The following NAV2 variants were observed in gnomAD, a reference collection of about 807,000 sequenced individuals.
NAV2 encodes helicase, APC down-regulated 1.
Under a neutral mutation model 223.2 loss-of-function variants are expected in NAV2, and 54 were observed. That is an observed-to-expected ratio of 0.24 (90% CI 0.19 to 0.30). The LOEUF (loss-of-function observed/expected upper bound fraction) is 0.30, where lower values mean the gene tolerates loss of function less well. NAV2 is among the 10% of genes least tolerant of loss of function. The pLI is 1.00. For synonymous variants in NAV2, 1,279 were observed against 1,239.3 expected (o/e 1.03, Z -0.67); for missense variants, 2,806 against 3,147.5 (o/e 0.89, Z 2.60).
chr11:19,679,835 T>C (rs1362907204), intron 1 of NAV2, among the ~76,000 whole-genome samples: 1 of 152,220 alleles, frequency 6.6e-6, no homozygotes, highest in African/African-American at 2.4e-5. Context: ...GGATTTCCAG[T>C]ATCTAACATA....
intron 22 of NAV2, among the ~76,000 whole-genome samples, chr11:20,077,233 G>A (rs1041240690): frequency 1.3e-5 from 2 of 152,012 alleles, no homozygotes; most frequent in East Asian, 1.9e-4. Flanking sequence ...GTGAAAGTAC[G>A]AGCCGAGAGC....
chr11:19,822,709 C>G (rs1435610884), intron 1 of NAV2, among the ~76,000 whole-genome samples: 1 of 152,178 alleles, frequency 6.6e-6, no homozygotes, highest in Non-Finnish European at 1.5e-5. Context: ...CTCTTCCCCT[C>G]CCCCTGCTGC....
intron 1 of NAV2, among the ~76,000 whole-genome samples, chr11:19,559,771 G>T (rs1175855779): frequency 6.6e-6 from 1 of 152,194 alleles, no homozygotes; most frequent in African/African-American, 2.4e-5. Flanking sequence ...GGAGCCTGGG[G>T]ATGGGAAGTG....
At chr11:19,873,184 G>C (rs1019679419) in intron 4 of NAV2, among the ~76,000 whole-genome samples, 2 of 152,198 alleles carry the variant, frequency 1.3e-5, no homozygotes, top group African/African-American at 4.8e-5. Flanking sequence ...CTGTATGCCA[G>C]GCCCAGTGCT....
At position 19,949,074 on chromosome 11, in the gene NAV2, C is replaced by T; in HGVS notation, c.2639C>T (p.Thr880Ile). ...AAGAACATCCGGACCGATGACATTA[C>T]AAGCGGGTAAGTACCCGGGGCCGCC... is the stretch of plus-strand genomic sequence containing the variant. ...LSKNIRTDDI[T>I]SGYMTDGGLG... The change falls in exon 10 of 38, where the codon ACA becomes ATA. Residue 880 changes from threonine to isoleucine, a missense_variant. Physicochemically the swap from Thr to Ile is moderately conservative, Grantham distance 89 (BLOSUM62 -1). Around this residue, in one of 4 missense-constraint regions of NAV2, gnomAD observed 1,167 missense variants for 1,180.5 expected, o/e 0.99. Transcript: ENST00000349880. The T allele has an allele frequency of 6.2e-7, 1 of 1,602,410 alleles. No individual in the cohort carries two copies. Among genetic ancestry groups the T allele is most frequent in the Non-Finnish European group, 8.5e-7 (1 of 1,172,692 alleles).
At chr11:19,704,878 G>T (rs1053136280) in intron 1 of NAV2, among the ~76,000 whole-genome samples, 1 of 151,794 alleles carries the variant, frequency 6.6e-6, no homozygotes, top group South Asian at 2.1e-4. Flanking sequence ...GGGCGTCGTG[G>T]CGGGCGCCTG....
At chr11:19,889,503 G>C (rs1187655948) in intron 5 of NAV2, among the ~76,000 whole-genome samples, 1 of 152,206 alleles carries the variant, frequency 6.6e-6, no homozygotes, top group Non-Finnish European at 1.5e-5. Context: ...GCTGGCTTGA[G>C]CTTTTTGGTG....
At chr11:19,694,956 G>T (rs768534008) in intron 1 of NAV2, among the ~76,000 whole-genome samples, 2 of 152,176 alleles carry the variant, frequency 1.3e-5, no homozygotes, top group African/African-American at 4.8e-5. Context: ...TGGCAGAGGC[G>T]GGTGTGACCT....
intron 3 of NAV2, among the ~76,000 whole-genome samples, chr11:19,855,403 C>T (rs2061359387): frequency 6.6e-6 from 1 of 152,158 alleles, no homozygotes; most frequent in South Asian, 2.1e-4. Context: ...CCTTGATTCC[C>T]CTGTCTACCC....
At chr11:19,789,391 A>G (rs2057366314) in intron 1 of NAV2, among the ~76,000 whole-genome samples, 1 of 152,232 alleles carries the variant, frequency 6.6e-6, no homozygotes, top group Admixed American at 6.5e-5. Context: ...TCAAACTTTC[A>G]GGGAGAGAAG....
At chr11:19,402,433 A>G (rs2702673) in intron 1 of NAV2, among the ~76,000 whole-genome samples, 128,584 of 152,258 alleles carry the variant, frequency 0.84, 54,828 homozygotes, top group Non-Finnish European at 0.9. Flanking sequence ...TTCTATCACT[A>G]TGTGTCTAGA....
At chr11:19,613,355 G>C (rs1226563723) in intron 1 of NAV2, among the ~76,000 whole-genome samples, 1 of 152,164 alleles carries the variant, frequency 6.6e-6, no homozygotes, top group Non-Finnish European at 1.5e-5. Context: ...TTTTTGTCTT[G>C]CTTTTATTAT....
chr11:19,715,727 G>C, intron 1 of NAV2, among the ~76,000 whole-genome samples: 1 of 152,310 alleles, frequency 6.6e-6, no homozygotes, highest in East Asian at 1.9e-4. Context: ...TCTCTGAGGG[G>C]CTGGAACAGT....
chr11:19,614,005 T>A (rs1356971785), intron 1 of NAV2, among the ~76,000 whole-genome samples: 1 of 152,200 alleles, frequency 6.6e-6, no homozygotes, highest in African/African-American at 2.4e-5. Context: ...CCCAACCTGA[T>A]AATAGGGCTG....
chr11:19,861,143 C>T (rs1006027568), intron 3 of NAV2, among the ~76,000 whole-genome samples: 2 of 151,528 alleles, frequency 1.3e-5, no homozygotes, highest in Non-Finnish European at 2.9e-5. Flanking sequence ...GTCATATTCT[C>T]TTAAACAGAT....
At chr11:19,647,097 A>G (rs1185642594) in intron 1 of NAV2, among the ~76,000 whole-genome samples, 4 of 152,170 alleles carry the variant, frequency 2.6e-5, no homozygotes, top group African/African-American at 7.2e-5. Flanking sequence ...AGAACTTGCA[A>G]TCCTGGTGCC....
At chr11:19,708,609 C>A (rs1374235324), upstream of NAV2, among the ~76,000 whole-genome samples, 1 of 152,072 alleles carries the variant, frequency 6.6e-6, no homozygotes, top group Non-Finnish European at 1.5e-5. Flanking sequence ...AGGTCTGAAG[C>A]CCAATTCACA....
chr11:19,977,107 C>T (rs1480688778), intron 10 of NAV2, among the ~76,000 whole-genome samples: 2 of 152,216 alleles, frequency 1.3e-5, no homozygotes, highest in Admixed American at 6.5e-5. Context: ...CTCTAAGTCA[C>T]ATTTCCCACT....
At chr11:19,660,508 T>G (rs1003258647) in intron 1 of NAV2, among the ~76,000 whole-genome samples, 1 of 151,892 alleles carries the variant, frequency 6.6e-6, no homozygotes, top group East Asian at 1.9e-4. Flanking sequence ...CAGGAGAAAT[T>G]AGAGGTCCAC....
Sources: gnomAD v4.1 joint callset for allele counts (sites outside exome capture counted in the v4.1 genomes callset) on GRCh38, gnomAD v4.1.1 for gene constraint, gnomAD v4.1.1 regional missense constraint, MANE v1.5 for transcripts, NCBI Gene and HGNC (gene_info 2026-07-23, HGNC 2026-07-21) for gene names.